TMEM273: variants seen among roughly 807,000 people sequenced by gnomAD.
TMEM273 encodes transmembrane protein 273.
A neutral mutation model predicts 17.9 loss-of-function variants in TMEM273; 19 were observed. The ratio of observed to expected loss-of-function variants is 1.06; its 90% CI spans 0.74 to 1.55. TMEM273 has a LOEUF of 1.55. TMEM273 is among the 40% of genes most tolerant of loss of function. The pLI, the probability that TMEM273 is intolerant of heterozygous loss-of-function variation, is 0.00. For missense variants in TMEM273, 194 were observed against 155.6 expected (o/e 1.25, Z -1.31); for synonymous variants, 66 against 62.0 (o/e 1.07, Z -0.31).
At chr10:49,163,996 T>A (rs898326805) in intron 5 of TMEM273, among the ~76,000 whole-genome samples, 2 of 152,072 alleles carry the variant, frequency 1.3e-5, no homozygotes, top group Non-Finnish European at 2.9e-5. Context: ...TACTTGGAAG[T>A]TACCCAGTCC....
intron 1 of TMEM273, chr10:49,178,391 C>G (rs1314756252): frequency 2.8e-5 from 12 of 433,052 alleles, no homozygotes; most frequent in Non-Finnish European, 4.2e-5. Flanking sequence ...AATGGCCCAG[C>G]AAGACCAGAT....
intron 6 of TMEM273, among the ~76,000 whole-genome samples, chr10:49,157,866 A>G (rs765005087): frequency 6.6e-6 from 1 of 152,234 alleles, no homozygotes; most frequent in African/African-American, 2.4e-5. Flanking sequence ...AATTAAAGGC[A>G]TATGAATTGG....
Position 49,165,804 on chromosome 10 carries a change from G to A in TMEM273, c.239-8C>T, listed in dbSNP as rs754408858. Reference sequence around the variant, plus strand: ...TCTTTAGCGGGATGGTGTCTAAACAGAGAAAGCCGGGCATTAGGAAGGGGG... The same window carrying A: ...TCTTTAGCGGGATGGTGTCTAAACAAAGAAAGCCGGGCATTAGGAAGGGGG... On this transcript the variant is annotated splice_polypyrimidine_tract_variant and splice_region_variant and intron_variant, in intron 3 of 6. Coordinates refer to ENST00000374153, the MANE Select transcript of TMEM273 (RefSeq NM_001288740.3). The A allele has an allele frequency of 1.9e-6, 3 of 1,614,196 alleles. No individual in the cohort carries two copies. The highest frequency in any genetic ancestry group is 2.5e-6 in the Non-Finnish European group (3 of 1,180,020).
chr10:49,175,181 A>G (rs948403959), intron 1 of TMEM273, among the ~76,000 whole-genome samples: 1 of 152,102 alleles, frequency 6.6e-6, no homozygotes, highest in Non-Finnish European at 1.5e-5. Context: ...GGGCTAAAGA[A>G]GGAAGCTGAG....
At chr10:49,159,783 G>A (rs1297662515) in intron 6 of TMEM273, among the ~76,000 whole-genome samples, 2 of 152,116 alleles carry the variant, frequency 1.3e-5, no homozygotes, top group African/African-American at 4.8e-5. Flanking sequence ...TTAGACCCTT[G>A]TGCTACCCTT....
intron 1 of TMEM273, among the ~76,000 whole-genome samples, chr10:49,181,821 G>A (rs1271597038): frequency 2.3e-5 from 3 of 133,300 alleles, no homozygotes; most frequent in African/African-American, 5.3e-5. Context: ...CACAGTCCAC[G>A]AAAAAAAAGA....
At chr10:49,170,472 A>G (rs1220660602) in intron 1 of TMEM273, among the ~76,000 whole-genome samples, 1 of 152,092 alleles carries the variant, frequency 6.6e-6, no homozygotes, top group Admixed American at 6.5e-5. Context: ...ACCATCCTCT[A>G]TGTCCCATCC....
At chr10:49,161,468 C>T (rs867749102) in intron 6 of TMEM273, 131 bp downstream of exon 6, 1 of 1,149,136 alleles carries the variant, frequency 8.7e-7, no homozygotes, top group Non-Finnish European at 1.3e-6. Context: ...CATGAGGGCT[C>T]CTGGCCATGC....
At chr10:49,171,568 G>A (rs1302945008) in intron 1 of TMEM273, among the ~76,000 whole-genome samples, 1 of 152,226 alleles carries the variant, frequency 6.6e-6, no homozygotes, top group East Asian at 1.9e-4. Flanking sequence ...GTGCCTCCCT[G>A]ACAAAATAGT....
intron 3 of TMEM273, among the ~76,000 whole-genome samples, 178 bp from the exon 4 acceptor site, chr10:49,165,974 A>ACAAGGATAAGCAAACT (rs959144771): frequency 1.2e-4 from 19 of 152,186 alleles, no homozygotes; most frequent in African/African-American, 4.6e-4. Flanking sequence ...GTGGGGATAC[A>ACAAGGATAAGCAAACT]CAAGGATAAG....
intron 5 of TMEM273, among the ~76,000 whole-genome samples, chr10:49,164,637 C>T (rs7068517): frequency 0.056 from 8,460 of 152,204 alleles, 775 homozygotes; most frequent in African/African-American, 0.19. Context: ...GAAACACTTG[C>T]TTCTGCCACA....
At chr10:49,167,119 T>G in intron 2 of TMEM273, 110 bp from the exon 3 acceptor site, 1 of 1,446,632 alleles carries the variant, frequency 6.9e-7, no homozygotes. Flanking sequence ...CACCTCCCAC[T>G]GGCTGAGGCC....
chr10:49,158,580 C>A (rs935462387), intron 6 of TMEM273, among the ~76,000 whole-genome samples: 12 of 152,152 alleles, frequency 7.9e-5, no homozygotes, highest in African/African-American at 2.9e-4. Context: ...CCAGCCCCAC[C>A]AGAAGGTAGA....
Position 49,165,271 on chromosome 10 carries a change from G to A in TMEM273, c.282C>T (p.Ala94=), listed in dbSNP as rs114164084. 3,298 of 1,550,552 alleles carry A rather than the reference G, an allele frequency of 2.1e-3. 48 individuals carry two copies. In the African/African-American group the frequency reaches 0.04, roughly 19 times the overall value. The change falls in exon 5 of 7, where the codon GCC becomes GCT. Residue 94 remains alanine, a synonymous_variant. Transcript: ENST00000374153. ...LKKRAPRKLQ[A]STLFSFKSLL... is the part of the protein sequence containing the mutation. ...GGGATTTGAAGGAAAAGAGGGTCGA[G>A]GCTTGCAGCTTTCTGGCAAAGAGCA...
intron 1 of TMEM273, among the ~76,000 whole-genome samples, chr10:49,174,847 C>T (rs1041458214): frequency 3.3e-5 from 5 of 152,074 alleles, no homozygotes; most frequent in Non-Finnish European, 4.4e-5. Context: ...AGGACCCCTG[C>T]GACCCTGACG....
rs7912338 is a variant in TMEM273, at chr10:49,169,721, T to A, written c.44-1759A>T. 3.0e-3 allele frequency among the ~76,000 whole-genome samples: 464 copies of A among 152,292 alleles called. 2 individuals are homozygous for A. Among genetic ancestry groups the A allele is most frequent in the African/African-American group, 0.011 (441 of 41,562 alleles). Reference sequence around the variant, plus strand: ...CATTCCATTGTCTTATTGTTTTTTTTAAGTCAATCTTGCTGCTCCAGCTAG... The same window carrying A: ...CATTCCATTGTCTTATTGTTTTTTTAAAGTCAATCTTGCTGCTCCAGCTAG... On this transcript the variant is annotated intron_variant, in intron 1 of 6. Coordinates refer to ENST00000374153, the MANE Select transcript of TMEM273 (RefSeq NM_001288740.3).
At chr10:49,165,506 G>T in intron 4 of TMEM273, 1 of 1,414,012 alleles carries the variant, frequency 7.1e-7, no homozygotes, top group Non-Finnish European at 9.3e-7. Context: ...AGTGGGGGTG[G>T]AACAGGATCT....
chr10:49,158,842 CA>C (rs1845671414), intron 6 of TMEM273, among the ~76,000 whole-genome samples: 1 of 152,122 alleles, frequency 6.6e-6, no homozygotes, highest in Non-Finnish European at 1.5e-5. Context: ...GAATAAATGA[CA>C]AATGGATCAG....
intron 1 of TMEM273, chr10:49,178,309 C>G (rs1388067963): frequency 2.2e-6 from 1 of 456,994 alleles, no homozygotes; most frequent in East Asian, 7.0e-5. Context: ...CAGACTGGCT[C>G]CAGAGGCTGA....
Sources: allele counts gnomAD v4.1 joint callset (sites outside exome capture counted in the v4.1 genomes callset), GRCh38; gene constraint gnomAD v4.1.1; transcripts MANE v1.5; gene names NCBI Gene and HGNC (gene_info 2026-07-23, HGNC 2026-07-21).